The following PDGFRL variants were observed in gnomAD, a reference collection of about 807,000 sequenced individuals.
PDGFRL encodes platelet derived growth factor receptor like.
Under a neutral mutation model 37.2 loss-of-function variants are expected in PDGFRL, and 46 were observed. That is an observed-to-expected ratio of 1.24 (90% CI 0.98 to 1.58). PDGFRL has a LOEUF of 1.58. PDGFRL is among the 40% of genes most tolerant of loss of function. The pLI, the probability that PDGFRL is intolerant of heterozygous loss-of-function variation, is 0.00. For synonymous variants in PDGFRL, 251 were observed against 184.3 expected (o/e 1.36, Z -2.93); for missense variants, 692 against 467.6 (o/e 1.48, Z -4.43).
intron 2 of PDGFRL, among the ~76,000 whole-genome samples, chr8:17,614,820 T>A (rs1294216233): frequency 6.6e-6 from 1 of 152,106 alleles, no homozygotes; most frequent in African/African-American, 2.4e-5. Context: ...AAGCAGAAAA[T>A]CTTTGTTTAT....
At chr8:17,642,180 A>T (rs962569700) in intron 5 of PDGFRL, among the ~76,000 whole-genome samples, 14 of 152,118 alleles carry the variant, frequency 9.2e-5, no homozygotes, top group African/African-American at 3.4e-4. Context: ...TTAGTCATTT[A>T]TACAGTGGGT....
intron 5 of PDGFRL, among the ~76,000 whole-genome samples, chr8:17,636,797 G>T (rs1046639853): frequency 1.3e-5 from 2 of 152,104 alleles, no homozygotes; most frequent in African/African-American, 4.8e-5. Context: ...TCTTTCAGCA[G>T]TGTTTTGTAG....
intron 2 of PDGFRL, chr8:17,596,369 G>A (rs988142436): frequency 4.1e-6 from 5 of 1,211,732 alleles, no homozygotes; most frequent in Non-Finnish European, 1.0e-6. Context: ...CGCAGGACCG[G>A]CCCTGCCTCC....
chr8:17,623,734 C>T (rs576649181), intron 3 of PDGFRL, among the ~76,000 whole-genome samples: 175 of 152,110 alleles, frequency 1.2e-3, no homozygotes, highest in African/African-American at 4.2e-3. Flanking sequence ...GTTAGCTGGG[C>T]GTGGTGGTGC....
chr8:17,597,753 C>T (rs981953602), intron 2 of PDGFRL, among the ~76,000 whole-genome samples: 16 of 152,138 alleles, frequency 1.1e-4, no homozygotes, highest in Admixed American at 2.0e-4. Context: ...GGATTTTTCA[C>T]AGTGGTGTTT....
chr8:17,601,584 C>T (rs1181584527), intron 2 of PDGFRL, among the ~76,000 whole-genome samples: 3 of 151,874 alleles, frequency 2.0e-5, no homozygotes, highest in Non-Finnish European at 4.4e-5. Context: ...AAGCTTAGTA[C>T]CCGATAGGTA....
intron 2 of PDGFRL, among the ~76,000 whole-genome samples, chr8:17,606,219 A>G (rs1017583865): frequency 1.3e-5 from 2 of 152,150 alleles, no homozygotes; most frequent in African/African-American, 4.8e-5. Flanking sequence ...GAAAATACAC[A>G]GAACGTACAA....
At position 17,642,868 on chromosome 8, in the gene PDGFRL, C is replaced by CAG. The variant is rs1805177849; in HGVS notation, c.*67_*68insAG. 5.9e-6 allele frequency: 6 copies of CAG among 1,021,210 alleles called. No homozygotes were observed. Among genetic ancestry groups the CAG allele is most frequent in the Non-Finnish European group, 7.5e-6 (5 of 667,686 alleles). 63.3% of individuals were successfully genotyped at this position (1,021,210 alleles called of 1,614,324 possible). A position where few individuals can be genotyped will look rare whatever the true frequency, so the allele number is the denominator to read the frequency against. On this transcript the variant is annotated 3_prime_UTR_variant, in exon 6 of 6. Transcript: ENST00000251630. ...GTGTACACAGTCAGCTTTGGGGTTC[C>CAG]TTTTATTAGTGCTTTGCCAGAGGCT...
At chr8:17,633,243 A>C (rs1804898735) in intron 4 of PDGFRL, among the ~76,000 whole-genome samples, 1 of 152,160 alleles carries the variant, frequency 6.6e-6, no homozygotes, top group South Asian at 2.1e-4. Context: ...AGCTTGGGCA[A>C]CATAGACCAA....
At chr8:17,626,259 C>T (rs779531403) in intron 3 of PDGFRL, among the ~76,000 whole-genome samples, 1 of 152,198 alleles carries the variant, frequency 6.6e-6, no homozygotes, top group Non-Finnish European at 1.5e-5. Flanking sequence ...TGTAGATGGA[C>T]TCTGTGTGAA....
chr8:17,607,914 C>T lies in PDGFRL; in HGVS notation c.354-13137C>T, dbSNP rs187267588. Among the ~76,000 whole-genome samples the T allele has an allele frequency of 4.3e-4, 65 of 152,270 alleles. No individual in the cohort carries two copies. In the South Asian group the frequency reaches 8.7e-3, roughly 20 times the overall value. On this transcript the variant is annotated intron_variant, in intron 2 of 5. Transcript: ENST00000251630. ...ATGGCACATTTATAAAAAAGCAAAA[C>T]GAAGATGTCAGAGGTTTGCCTCCAG...
chr8:17,599,085 C>A (rs1159230832), intron 2 of PDGFRL, among the ~76,000 whole-genome samples: 2 of 152,200 alleles, frequency 1.3e-5, no homozygotes, highest in Non-Finnish European at 2.9e-5. Flanking sequence ...ATTGACTCTC[C>A]CTTCTCCCTC....
chr8:17,580,404 C>G (rs756171271), intron 1 of PDGFRL, among the ~76,000 whole-genome samples: 1 of 151,934 alleles, frequency 6.6e-6, no homozygotes, highest in Non-Finnish European at 1.5e-5. Flanking sequence ...TTTATGAATG[C>G]ACATAATGAA....
intron 2 of PDGFRL, among the ~76,000 whole-genome samples, chr8:17,604,343 C>T (rs1804227479): frequency 6.6e-6 from 1 of 152,154 alleles, no homozygotes; most frequent in Non-Finnish European, 1.5e-5. Context: ...CCTAAATATC[C>T]AACAGCGATA....
intron 2 of PDGFRL, among the ~76,000 whole-genome samples, chr8:17,620,248 C>A (rs556699951): frequency 6.6e-6 from 1 of 152,300 alleles, no homozygotes; most frequent in Admixed American, 6.5e-5. Flanking sequence ...AGGCATGAAC[C>A]ACTGCCAAAC....
At chr8:17,633,177 C>T (rs771872733) in intron 4 of PDGFRL, among the ~76,000 whole-genome samples, 10 of 152,144 alleles carry the variant, frequency 6.6e-5, no homozygotes, top group East Asian at 1.9e-4. Context: ...ACCTGTAATC[C>T]CAGCACTATG....
In PDGFRL at chr8:17,593,802, C is replaced by T. The variant is rs185401078; in HGVS notation, c.353+4037C>T. Reference sequence around the variant, plus strand: ...GCTAGGGAGGCTGAGGCAGGAGAATCGCTTGAACCTGGGAGGCGGAGGTTG... The same window carrying T: ...GCTAGGGAGGCTGAGGCAGGAGAATTGCTTGAACCTGGGAGGCGGAGGTTG... On this transcript the variant is annotated intron_variant, in intron 2 of 5. Transcript: ENST00000251630. 2.9e-3 allele frequency among the ~76,000 whole-genome samples: 445 copies of T among 151,602 alleles called. 11 individuals carry two copies. Among genetic ancestry groups the T allele is most frequent in the Admixed American group, 0.025 (375 of 15,214 alleles).
intron 3 of PDGFRL, among the ~76,000 whole-genome samples, chr8:17,626,064 C>T (rs559336700): frequency 6.6e-6 from 1 of 152,338 alleles, no homozygotes; most frequent in Admixed American, 6.5e-5. Context: ...CGACTAATGG[C>T]TCTGCTTATC....
At chr8:17,583,838 C>G (rs1431877758) in intron 1 of PDGFRL, among the ~76,000 whole-genome samples, 1 of 152,162 alleles carries the variant, frequency 6.6e-6, no homozygotes, top group Non-Finnish European at 1.5e-5. Context: ...CTGCATATAC[C>G]TATTCTCCTT....
Sources: gnomAD v4.1 joint callset for allele counts (sites outside exome capture counted in the v4.1 genomes callset) on GRCh38, gnomAD v4.1.1 for gene constraint, MANE v1.5 for transcripts, NCBI Gene and HGNC (gene_info 2026-07-23, HGNC 2026-07-21) for gene names.